Variants in DHRSX observed in about 807,000 individuals in gnomAD.
The protein encoded by DHRSX is polyprenol dehydrogenase.
Under a neutral mutation model 34.0 loss-of-function variants are expected in DHRSX, and 31 were observed. The ratio of observed to expected loss-of-function variants is 0.91; its 90% CI spans 0.69 to 1.23. The LOEUF (loss-of-function observed/expected upper bound fraction) is 1.23. DHRSX is among the 50% of genes most tolerant of loss of function. The pLI, the probability that DHRSX is intolerant of heterozygous loss-of-function variation, is 0.00. For missense variants in DHRSX, 414 were observed against 428.1 expected, an observed-to-expected ratio of 0.97 and a Z score of 0.29; for synonymous variants, 201 against 183.8, an observed-to-expected ratio of 1.09 and a Z score of -0.76.
intron 1 of DHRSX, among the ~76,000 whole-genome samples, chrX:2,479,431 C>T (rs1469540738): frequency 3.4e-5 from 5 of 148,058 alleles, no homozygotes; most frequent in Admixed American, 6.8e-5. Flanking sequence ...GACGACATTC[C>T]GTAAGAATAT....
chrX:2,301,778 A>T (rs570596531), intron 3 of DHRSX, among the ~76,000 whole-genome samples: 23 of 152,182 alleles, frequency 1.5e-4, no homozygotes, highest in African/African-American at 4.6e-4. Context: ...AGCTGGGACT[A>T]CAGGCACCCG....
intron 1 of DHRSX, among the ~76,000 whole-genome samples, chrX:2,499,644 C>A (rs1427656981): frequency 1.3e-5 from 2 of 151,910 alleles, no homozygotes; most frequent in Admixed American, 6.6e-5. Context: ...TGGTGGCTCA[C>A]GCCTGTAAAC....
At chrX:2,378,630 G>T (rs1309103195) in intron 3 of DHRSX, among the ~76,000 whole-genome samples, 2 of 151,894 alleles carry the variant, frequency 1.3e-5, no homozygotes, top group Non-Finnish European at 2.9e-5. Context: ...TTACTTCATT[G>T]TAAGAATATA....
intron 1 of DHRSX, among the ~76,000 whole-genome samples, chrX:2,462,184 CAAA>C (rs11358005): frequency 1.0e-4 from 12 of 119,266 alleles, no homozygotes; most frequent in South Asian, 2.6e-4. Context: ...ATTAGTGCCT[CAAA>C]AAAAAAAAAA....
At chrX:2,424,261 G>T (rs1180175308) in intron 2 of DHRSX, among the ~76,000 whole-genome samples, 1 of 151,886 alleles carries the variant, frequency 6.6e-6, no homozygotes, top group Non-Finnish European at 1.5e-5. Context: ...AGGACTGTGG[G>T]AAACTCAATG....
rs750007697 is a variant in DHRSX at position 2,253,243 on chromosome X, C to G, written c.597-10013G>C. Among the ~76,000 whole-genome samples the G allele has an allele frequency of 4.0e-5, 6 of 151,898 alleles. No individual in the cohort carries two copies. In the East Asian group the frequency reaches 1.2e-3, roughly 30 times the overall value. On this transcript the variant is annotated intron_variant, in intron 5 of 6. Coordinates refer to ENST00000334651, the MANE Select transcript of DHRSX (RefSeq NM_145177.3). ...ATGGCCTTGAGCCAAGATGGCGCCACGGCACTCCAGCCTAGGAGGCGGACG... is the reference window on the plus strand; with the variant it reads ...ATGGCCTTGAGCCAAGATGGCGCCAGGGCACTCCAGCCTAGGAGGCGGACG...
intron 5 of DHRSX, among the ~76,000 whole-genome samples, chrX:2,259,367 TATATATAGATATATATATAG>T (rs1018726169): frequency 2.9e-4 from 23 of 80,304 alleles, no homozygotes; most frequent in East Asian, 1.1e-3. Context: ...TAGATATAGA[TATATATAGATATATATATAG>T]ATATATAGAT....
chrX:2,234,237 T>TG (rs1428644119), intron 6 of DHRSX, among the ~76,000 whole-genome samples: 1 of 150,434 alleles, frequency 6.6e-6, no homozygotes, highest in Non-Finnish European at 1.5e-5. Context: ...GCTGCCTCCC[T>TG]GCCTGCATCC....
At chrX:2,473,176 C>T (rs2044620193) in intron 1 of DHRSX, among the ~76,000 whole-genome samples, 1 of 152,178 alleles carries the variant, frequency 6.6e-6, no homozygotes, top group Admixed American at 6.5e-5. Flanking sequence ...AGAGACAGGA[C>T]TGTTACAGGG....
At chrX:2,397,131 C>T (rs185054070) in intron 3 of DHRSX, among the ~76,000 whole-genome samples, 7 of 152,032 alleles carry the variant, frequency 4.6e-5, no homozygotes, top group African/African-American at 1.7e-4. Context: ...TCCTGAGTAG[C>T]TGAGACTCCA....
chrX:2,246,813 T>C (rs1454804512), intron 5 of DHRSX, among the ~76,000 whole-genome samples: 1 of 151,786 alleles, frequency 6.6e-6, no homozygotes, highest in African/African-American at 2.4e-5. Flanking sequence ...CCTAAGGATC[T>C]GGAGAAGAAA....
intron 2 of DHRSX, among the ~76,000 whole-genome samples, chrX:2,410,667 T>C (rs1342725613): frequency 1.3e-5 from 2 of 152,176 alleles, no homozygotes; most frequent in Non-Finnish European, 2.9e-5. Context: ...GCTCCCAAAT[T>C]AACTATTAGA....
chrX:2,433,539 T>C, intron 1 of DHRSX, among the ~76,000 whole-genome samples: 1 of 152,264 alleles, frequency 6.6e-6, no homozygotes, highest in Non-Finnish European at 1.5e-5. Flanking sequence ...TTTGTCCTAA[T>C]GCGCTCCCTC....
intron 3 of DHRSX, chrX:2,334,169 G>GTTTTTTTTTTTTTTTTTT (rs1326915674): frequency 2.5e-5 from 1 of 40,178 alleles, no homozygotes; most frequent in African/African-American, 1.5e-4. Flanking sequence ...TCAAAAGTAT[G>GTTTTTTTTTTTTTTTTTT]CTTTTTTTTT....
intron 5 of DHRSX, among the ~76,000 whole-genome samples, chrX:2,263,683 T>C (rs1257797995): frequency 2.0e-5 from 3 of 151,828 alleles, no homozygotes; most frequent in Admixed American, 2.0e-4. Context: ...CTGGCTAATT[T>C]TGTATTTTTA....
chrX:2,242,207 G>C (rs1386520334), intron 6 of DHRSX, among the ~76,000 whole-genome samples: 1 of 152,034 alleles, frequency 6.6e-6, no homozygotes, highest in Non-Finnish European at 1.5e-5. Flanking sequence ...TGATTTTTCA[G>C]CAAACCTTCA....
chrX:2,317,256 C>CTTTTTTTTTTTTTT lies in DHRSX; in HGVS notation c.287-25654_287-25653insAAAAAAAAAAAAAA, dbSNP rs779722860. 5.3e-4 allele frequency among the ~76,000 whole-genome samples: 46 copies of CTTTTTTTTTTTTTT among 87,414 alleles called. 4 individuals carry two copies. The highest frequency in any genetic ancestry group is 7.5e-4 in the Non-Finnish European group (35 of 46,850). 57.3% of individuals were successfully genotyped at this position (87,414 alleles called of 152,430 possible). A position where few individuals can be genotyped will look rare whatever the true frequency, so the allele number is the denominator to read the frequency against. On this transcript the variant is annotated intron_variant, in intron 3 of 6. Coordinates refer to ENST00000334651, the MANE Select transcript of DHRSX (RefSeq NM_145177.3). ...TACAGGCGTGAGCCACCGCGCCTGG[C>CTTTTTTTTTTTTTT]TTTTTTTTTTTTTGAGACAGAGTCT...
chrX:2,469,944 C>G lies in DHRSX; in HGVS notation c.109+30873G>C, dbSNP rs748858080. Among the ~76,000 whole-genome samples, 170 of 152,192 alleles carry G rather than the reference C, an allele frequency of 1.1e-3. 4 individuals are homozygous for G. In the South Asian group the frequency reaches 0.032, roughly 28 times the overall value. On this transcript the variant is annotated intron_variant, in intron 1 of 6. Transcript: ENST00000334651. ...GGAAATCAGCCCATCAATGGGATAC[C>G]TGCATCCCCTGTGCCCTGCAGCACT...
rs191603056 is a variant in DHRSX at position 2,473,064 on chromosome X, C to T, written c.109+27753G>A. On this transcript the variant is annotated intron_variant, in intron 1 of 6. Transcript: ENST00000334651. ...CTGCAAAGCTCCATGGCACCTAGCT[C>T]TAGCCAGTTTGTTCACAGCCGTGAT... Among the ~76,000 whole-genome samples, 45 of 152,272 alleles carry T rather than the reference C, an allele frequency of 3.0e-4. 1 individual carries two copies. In the East Asian group the frequency reaches 8.7e-3, roughly 29 times the overall value.
Sources: gnomAD v4.1 joint callset for allele counts (sites outside exome capture counted in the v4.1 genomes callset) on GRCh38, gnomAD v4.1.1 for gene constraint, MANE v1.5 for transcripts, NCBI Gene and HGNC (gene_info 2026-07-23, HGNC 2026-07-21) for gene names.